UMODL1: variants seen among roughly 807,000 people sequenced by gnomAD.
UMODL1 encodes the protein uromodulin-like 1.
UMODL1 carries 128 observed loss-of-function variants against 136.3 expected under a neutral mutation model. That is an observed-to-expected ratio of 0.94 (90% CI 0.81 to 1.09). The LOEUF is 1.09. Ranked by LOEUF, UMODL1 falls within the 50% of genes least tolerant of loss-of-function variation. The pLI, the probability that UMODL1 is intolerant of heterozygous loss-of-function variation, is 0.00. For synonymous variants in UMODL1, 721 were observed against 720.0 expected (o/e 1.00, Z -0.02); for missense variants, 1,766 against 1,725.6 (o/e 1.02, Z -0.41).
intron 1 of UMODL1, among the ~76,000 whole-genome samples, chr21:42,065,886 C>A (rs1432735169): frequency 6.6e-6 from 1 of 152,116 alleles, no homozygotes; most frequent in Non-Finnish European, 1.5e-5. Flanking sequence ...GGACACCAGG[C>A]CTGGCTGGCA....
intron 9 of UMODL1, among the ~76,000 whole-genome samples, chr21:42,106,590 G>A (rs1431414304): frequency 3.3e-5 from 5 of 152,162 alleles, no homozygotes; most frequent in African/African-American, 9.7e-5. Context: ...CGCCAGTCAC[G>A]GTGGGCTGTG....
chr21:42,109,614 G>A lies in UMODL1; in HGVS notation c.1572G>A (p.Trp524Ter). 6.2e-7 allele frequency: 1 copy of A among 1,611,312 alleles called. No homozygotes were observed. The highest frequency in any genetic ancestry group is 8.5e-7 in the Non-Finnish European group (1 of 1,180,014). The change falls in exon 10 of 23, where the codon TGG (tryptophan) becomes TGA (stop). Residue 524 changes from tryptophan (W) to a stop codon, truncating the protein, a stop_gained. Transcript: ENST00000408910. LOFTEE classifies it high-confidence loss of function. ...SAEHDCSPAA[W>*]CINLEGSYTC... ...AACACGACTGCTCACCGGCTGCCTG[G>A]TGCATCAACCTGGAGGGCTCCTACA...
At chr21:42,119,651 C>T (rs975101366) in intron 15 of UMODL1, among the ~76,000 whole-genome samples, 15 of 152,254 alleles carry the variant, frequency 9.9e-5, no homozygotes, top group African/African-American at 3.6e-4. Context: ...CCAGACTCTC[C>T]CCCAAGCATA....
Position 42,121,080 on chromosome 21 carries a change from T to G in UMODL1, c.2690-7T>G. The G allele has an allele frequency of 6.2e-7, 1 of 1,611,220 alleles. No individual in the cohort carries two copies. Among genetic ancestry groups the G allele is most frequent in the Non-Finnish European group, 8.5e-7 (1 of 1,178,548 alleles). ...TTCTTCTGTTTTGTCTTCTAAATGT[T>G]GTGCAGATTACGATGAGTGTGAAAG... On this transcript the variant is annotated splice_region_variant and splice_polypyrimidine_tract_variant and intron_variant, in intron 15 of 22. Coordinates refer to ENST00000408910, the MANE Select transcript of UMODL1 (RefSeq NM_001004416.3).
chr21:42,135,340 T>C (rs1410505668), intron 21 of UMODL1, among the ~76,000 whole-genome samples: 5 of 152,254 alleles, frequency 3.3e-5, no homozygotes. Flanking sequence ...TCCTGGACTT[T>C]GGTGTCAGTC....
At chr21:42,140,797 C>T (rs574089231) in intron 22 of UMODL1, among the ~76,000 whole-genome samples, 17 of 152,288 alleles carry the variant, frequency 1.1e-4, no homozygotes, top group African/African-American at 4.1e-4. Flanking sequence ...CCTCAGCCAC[C>T]TCCGGGGATC....
At chr21:42,109,173 A>C (rs2066778846) in intron 9 of UMODL1, among the ~76,000 whole-genome samples, 1 of 144,602 alleles carries the variant, frequency 6.9e-6, no homozygotes, top group South Asian at 2.2e-4. Flanking sequence ...CTGTGTCCCC[A>C]CCCCTGGCTC....
intron 21 of UMODL1, among the ~76,000 whole-genome samples, chr21:42,133,893 G>T (rs2067166659): frequency 6.7e-6 from 1 of 148,760 alleles, no homozygotes; most frequent in Admixed American, 6.7e-5. Context: ...TCTGTTTTTT[G>T]TTTTGTTTTG....
chr21:42,135,914 G>T (rs1466064993), intron 21 of UMODL1, among the ~76,000 whole-genome samples: 1 of 152,208 alleles, frequency 6.6e-6, no homozygotes, highest in Non-Finnish European at 1.5e-5. Context: ...ACTCTGGGCA[G>T]ACTGCCCGGA....
intron 6 of UMODL1, among the ~76,000 whole-genome samples, chr21:42,092,817 C>A (rs2066507495): frequency 6.6e-6 from 1 of 152,118 alleles, no homozygotes; most frequent in Non-Finnish European, 1.5e-5. Flanking sequence ...CGTTTAAATT[C>A]TTAGACTAAC....
chr21:42,087,339 G>C (rs1353522044), intron 4 of UMODL1, among the ~76,000 whole-genome samples: 1 of 152,116 alleles, frequency 6.6e-6, no homozygotes, highest in African/African-American at 2.4e-5. Context: ...TCCCAGGAAG[G>C]GGCTTCAAGT....
chr21:42,111,444 C>T (rs764348692), intron 11 of UMODL1, 62 bp from the exon 12 acceptor site: 2 of 1,613,832 alleles, frequency 1.2e-6, no homozygotes. Context: ...CCGAAGGCTA[C>T]TGGGTCAACC....
At chr21:42,071,793 C>T (rs2146412397) in intron 1 of UMODL1, among the ~76,000 whole-genome samples, 1 of 151,528 alleles carries the variant, frequency 6.6e-6, no homozygotes, top group South Asian at 2.1e-4. Flanking sequence ...AGAAAGGTCT[C>T]CTGAACCTTG....
At chr21:42,138,377 C>T (rs1001492139) in intron 22 of UMODL1, among the ~76,000 whole-genome samples, 3 of 152,140 alleles carry the variant, frequency 2.0e-5, no homozygotes, top group Non-Finnish European at 4.4e-5. Context: ...CCACACCTTG[C>T]TGCTCATGCC....
At chr21:42,098,628 C>G (rs909884718) in intron 6 of UMODL1, among the ~76,000 whole-genome samples, 5 of 151,922 alleles carry the variant, frequency 3.3e-5, no homozygotes, top group Non-Finnish European at 7.4e-5. Flanking sequence ...ATTAGCCGGG[C>G]GTGGTGGCGA....
At chr21:42,080,600 G>A (rs2066350900) in intron 2 of UMODL1, among the ~76,000 whole-genome samples, 1 of 152,216 alleles carries the variant, frequency 6.6e-6, no homozygotes, top group Non-Finnish European at 1.5e-5. Flanking sequence ...GACAACTGGT[G>A]CATTATTTTA....
At chr21:42,125,629 A>G (rs1346960138) in intron 17 of UMODL1, among the ~76,000 whole-genome samples, 1 of 152,140 alleles carries the variant, frequency 6.6e-6, no homozygotes, top group Non-Finnish European at 1.5e-5. Context: ...CGTTGGCAGC[A>G]GGGGGGTGTC....
rs143939482 is a variant in UMODL1 at position 42,083,607 on chromosome 21, C to G, written c.320-477C>G. Among the ~76,000 whole-genome samples, 9 of 152,388 alleles carry G rather than the reference C, an allele frequency of 5.9e-5. No individual in the cohort carries two copies. The East Asian group carries it at 1.7e-3, about 29-fold the overall frequency. ...ACTGCTTCATTCCCTGAGGCTCTCA[C>G]CCCATCTGAATATCTGTAGATCTCC... On this transcript the variant is annotated intron_variant, in intron 2 of 22. Transcript: ENST00000408910.
intron 21 of UMODL1, among the ~76,000 whole-genome samples, chr21:42,133,088 T>C (rs2067154795): frequency 6.6e-6 from 1 of 152,268 alleles, no homozygotes; most frequent in African/African-American, 2.4e-5. Context: ...AGCTTTTGTT[T>C]GATCTATGAC....
Sources: gnomAD v4.1 joint callset for allele counts (sites outside exome capture counted in the v4.1 genomes callset) on GRCh38, gnomAD v4.1.1 for gene constraint, MANE v1.5 for transcripts, NCBI Gene and HGNC (gene_info 2026-07-23, HGNC 2026-07-21) for gene names.